The following RPS21 variants were observed in gnomAD, a reference collection of about 807,000 sequenced individuals.
RPS21 encodes small ribosomal subunit protein eS21.
Under a neutral mutation model 14.5 loss-of-function variants are expected in RPS21, and 6 were observed. The ratio of observed to expected loss-of-function variants is 0.41; its 90% CI spans 0.23 to 0.82. RPS21 has a LOEUF of 0.82. RPS21 is among the 40% of genes least tolerant of loss of function. The pLI is 0.31. For synonymous variants in RPS21, 61 were observed against 42.6 expected, an observed-to-expected ratio of 1.43 and a Z score of -1.69; for missense variants, 85 against 115.0, an observed-to-expected ratio of 0.74 and a Z score of 1.19.
In RPS21 at chr20:62,388,213, G is replaced by C. The variant is rs1200912393; in HGVS notation, c.187-96G>C. The C allele has an allele frequency of 2.4e-5, 36 of 1,472,824 alleles. No individual in the cohort carries two copies. The East Asian group carries it at 5.8e-4, about 24-fold the overall frequency. The allele number at this position is 1,472,824 out of a possible 1,614,324, so 91.2% of individuals were successfully genotyped here. ...CTGCGCCTGTCTCCATTCGCTCAGC[G>C]GGGGAGAGACGTGGGCTGGTGGCAC... On this transcript the variant is annotated intron_variant, in intron 4 of 5. Transcript: ENST00000343986.
Position 62,387,535 on chromosome 20 carries a change from AC to A in RPS21, c.51-71del, listed in dbSNP as rs1987778088. 5 of 1,584,992 alleles carry A rather than the reference AC, an allele frequency of 3.2e-6. No individual in the cohort carries two copies. The Admixed American group carries it at 6.8e-5, about 22-fold the overall frequency. On this transcript the variant is annotated intron_variant, in intron 2 of 5. Transcript: ENST00000343986. Reference sequence around the variant, plus strand: ...CGACGTTACTCTTTTCCATTCATATACCCCCAACCTCCCTCGTCCCCTCTTT... The same window carrying A: ...CGACGTTACTCTTTTCCATTCATATACCCCAACCTCCCTCGTCCCCTCTTT...
intron 2 of RPS21, 41 bp from the exon 3 acceptor site, chr20:62,387,570 C>T (rs1555889818): frequency 6.3e-7 from 1 of 1,596,616 alleles, no homozygotes; most frequent in South Asian, 1.1e-5. Flanking sequence ...TTCATTCTTA[C>T]CGCCCAAGTC....
intron 1 of RPS21, 43 bp from the exon 2 acceptor site, chr20:62,387,264 CCGGGAGCCGGGGCA>C (rs1987762869): frequency 2.8e-6 from 4 of 1,404,066 alleles, no homozygotes; most frequent in Non-Finnish European, 3.9e-6. Context: ...CCGGTTTGCG[CCGGGAGCCGGGGCA>C]CGGTTCCGGC....
At chr20:62,388,188 C>A (rs1427135422) in intron 4 of RPS21, 121 bp from the exon 5 acceptor site, 4 of 1,456,054 alleles carry the variant, frequency 2.7e-6, no homozygotes, top group Non-Finnish European at 3.7e-6. Flanking sequence ...GGCTCCCCTT[C>A]TGCGCCTGTC....
intron 1 of RPS21, 33 bp downstream of exon 1, chr20:62,387,169 G>C: frequency 1.8e-6 from 1 of 561,104 alleles, no homozygotes; most frequent in Admixed American, 3.8e-5. Flanking sequence ...CGGGCTCAGG[G>C]CTGGGGCTGG....
At chr20:62,388,414 C>T in intron 5 of RPS21, 43 bp from the exon 6 acceptor site, 2 of 1,613,508 alleles carry the variant, frequency 1.2e-6, no homozygotes, top group Non-Finnish European at 1.7e-6. Context: ...TAGGACTGCT[C>T]CAGAGGCGTG....
chr20:62,388,034 C>T (rs767723052), intron 4 of RPS21, 120 bp downstream of exon 4: 11 of 1,579,182 alleles, frequency 7.0e-6, no homozygotes, highest in Middle Eastern at 1.7e-4. Flanking sequence ...GCCAGCTGGA[C>T]TGGGCTGGCC....
Position 62,388,370 on chromosome 20 carries a change from G to A in RPS21, c.242+6G>A, listed in dbSNP as rs369868106. 2 of 1,609,012 alleles carry A rather than the reference G, an allele frequency of 1.2e-6. No homozygotes were observed. Among genetic ancestry groups the A allele is most frequent in the African/African-American group, 2.7e-5 (2 of 74,466 alleles). On this transcript the variant is annotated splice_donor_region_variant and intron_variant, in intron 5 of 5. Coordinates refer to ENST00000343986, the MANE Select transcript of RPS21 (RefSeq NM_001024.4). ...GCCGATGGCATCGTCTCAAAGTAAGGTTGGGGGCTCACATTTGGGCAGAGT... is the reference window on the plus strand; with the variant it reads ...GCCGATGGCATCGTCTCAAAGTAAGATTGGGGGCTCACATTTGGGCAGAGT...
In RPS21 at chr20:62,387,328, C is replaced by A. The variant is rs1409560124; in HGVS notation, c.-11C>A. ...CGCGCGGTGACTCCCCAGGCGCAGC[C>A]CAGCCTCGAAATGCAGAACGACGCC... is the stretch of plus-strand genomic sequence containing the variant. On this transcript the variant is annotated 5_prime_UTR_variant, in exon 2 of 6. Coordinates refer to ENST00000343986, the MANE Select transcript of RPS21 (RefSeq NM_001024.4). The A allele has an allele frequency of 6.3e-7, 1 of 1,595,254 alleles. No individual in the cohort carries two copies. Among genetic ancestry groups the A allele is most frequent in the Admixed American group, 1.7e-5 (1 of 57,526 alleles).
intron 4 of RPS21, 144 bp from the exon 5 acceptor site, chr20:62,388,165 C>T: frequency 6.8e-7 from 1 of 1,467,390 alleles, no homozygotes. Flanking sequence ...CTGCAGGCTG[C>T]CCCGGGAGAG....
intron 4 of RPS21, 23 bp from the exon 5 acceptor site, chr20:62,388,286 T>C: frequency 2.5e-6 from 4 of 1,576,210 alleles, no homozygotes; most frequent in African/African-American, 1.5e-5. Flanking sequence ...ATATTCTTAG[T>C]GTGCTTTTTT....
In RPS21 at chr20:62,388,089, A is replaced by C. The variant is rs947327441; in HGVS notation, c.186+175A>C. 2.0e-6 allele frequency: 3 copies of C among 1,537,490 alleles called. No individual in the cohort carries two copies. The African/African-American group carries it at 4.1e-5, about 21-fold the overall frequency. The stretch of plus-strand genomic sequence containing the variant: ...TGGAAGAGGGGTGCTCTGAGAAGAC[A>C]CTCAGGCAGCAGACTCTGCCTCTCA... On this transcript the variant is annotated intron_variant, in intron 4 of 5. Transcript: ENST00000343986.
chr20:62,387,294 T>G, intron 1 of RPS21, 27 bp from the exon 2 acceptor site: 1 of 1,556,262 alleles, frequency 6.4e-7, no homozygotes, highest in Non-Finnish European at 8.7e-7. Context: ...CCGGCCGTAC[T>G]CACGGCGCCG....
rs1987768844 is a variant in RPS21, at chr20:62,387,395, G to T, written c.50+7G>T. 6.2e-7 allele frequency: 1 copy of T among 1,607,774 alleles called. No individual in the cohort carries two copies. Reference sequence around the variant, plus strand: ...TGTACGTGCCGCGGAAATGGTAAGCGCCCCCCACATGCCTCTCTTCCGTCC... The same window carrying T: ...TGTACGTGCCGCGGAAATGGTAAGCTCCCCCCACATGCCTCTCTTCCGTCC... On this transcript the variant is annotated splice_region_variant and intron_variant, in intron 2 of 5. Transcript: ENST00000343986.
chr20:62,387,899 G>A lies in RPS21; in HGVS notation c.171G>A (p.Gly57=), dbSNP rs547907495. 5.6e-5 allele frequency: 91 copies of A among 1,614,198 alleles called. 2 individuals carry two copies. The South Asian group carries it at 8.5e-4, about 15-fold the overall frequency. ...NGQFKTYAIC[G]AIRRMGESDD... ...AGTTTAAAACTTATGCTATCTGCGG[G>A]GCCATTCGTAGGATGGTGAGTGTTT... Residue 57 remains glycine (G), a synonymous_variant, in exon 4 of 6, where the codon GGG becomes GGA. Transcript: ENST00000343986.
chr20:62,387,262 C>A, intron 1 of RPS21, 59 bp from the exon 2 acceptor site: 1 of 1,378,910 alleles, frequency 7.3e-7, no homozygotes, highest in Non-Finnish European at 1.0e-6. Flanking sequence ...GGCCGGTTTG[C>A]GCCGGGAGCC....
At chr20:62,388,131 C>CCA (rs1987810978) in intron 4 of RPS21, 178 bp from the exon 5 acceptor site, 49 of 1,494,170 alleles carry the variant, frequency 3.3e-5, no homozygotes, top group Middle Eastern at 2.0e-4. Context: ...GGTGCCCCCC[C>CCA]GACCCCGCTC....
chr20:62,387,527 A>G, intron 2 of RPS21, 84 bp from the exon 3 acceptor site: 1 of 1,586,002 alleles, frequency 6.3e-7, no homozygotes. Context: ...ACTCTTTTCC[A>G]TTCATATACC....
Position 62,387,401 on chromosome 20 carries a change from CA to C in RPS21, c.50+14del. 6.2e-7 allele frequency: 1 copy of C among 1,608,154 alleles called. No individual in the cohort carries two copies. The highest frequency in any genetic ancestry group is 2.2e-5 in the East Asian group (1 of 44,484). ...TGCCGCGGAAATGGTAAGCGCCCCC[CA>C]CATGCCTCTCTTCCGTCCTTACCTA... On this transcript the variant is annotated intron_variant, in intron 2 of 5. Transcript: ENST00000343986.
Sources: gnomAD v4.1 joint callset for allele counts on GRCh38, gnomAD v4.1.1 for gene constraint, MANE v1.5 for transcripts, NCBI Gene and HGNC (gene_info 2026-07-23, HGNC 2026-07-21) for gene names.